The following NDUFA5 variants were observed in gnomAD, a reference collection of about 807,000 sequenced individuals.
NDUFA5 encodes the protein NADH:ubiquinone oxidoreductase subunit A5.
A neutral mutation model predicts 19.8 loss-of-function variants in NDUFA5; 11 were observed. That is an observed-to-expected ratio of 0.56 (90% CI 0.35 to 0.92). The LOEUF (loss-of-function observed/expected upper bound fraction) is 0.92, where lower values mean the gene tolerates loss of function less well. Ranked by LOEUF, NDUFA5 falls within the 40% of genes least tolerant of loss-of-function variation. NDUFA5 has a pLI of 0.01. For missense variants in NDUFA5, 109 were observed against 134.2 expected (o/e 0.81, Z 0.93); for synonymous variants, 47 against 46.8 (o/e 1.00, Z -0.01).
the NDUFA5 span, among the ~76,000 whole-genome samples, chr7:123,592,004 A>C: frequency 1.6e-4 from 25 of 152,220 alleles, no homozygotes; most frequent in African/African-American, 5.8e-4. Flanking sequence ...TCAGAGATTC[A>C]ACTTTTTCCT....
At chr7:123,568,398 T>C in the NDUFA5 span, among the ~76,000 whole-genome samples, 1 of 151,528 alleles carries the variant, frequency 6.6e-6, no homozygotes, top group African/African-American at 2.4e-5. Flanking sequence ...CGCATGCTTG[T>C]AATCCCACCT....
At chr7:123,583,740 T>C in the NDUFA5 span, among the ~76,000 whole-genome samples, 3 of 151,892 alleles carry the variant, frequency 2.0e-5, no homozygotes, top group Admixed American at 2.0e-4. Context: ...ATAAGAACAC[T>C]GTCTCTTTTC....
the NDUFA5 span, among the ~76,000 whole-genome samples, chr7:123,588,879 AT>A: frequency 2.7e-5 from 4 of 148,924 alleles, no homozygotes; most frequent in Admixed American, 2.0e-4. Flanking sequence ...TAATTTTCCC[AT>A]TTTTTTTCTA....
chr7:123,594,910 A>T, the NDUFA5 span, among the ~76,000 whole-genome samples: 1 of 152,212 alleles, frequency 6.6e-6, no homozygotes, highest in Non-Finnish European at 1.5e-5. Flanking sequence ...CAAGAGAGGC[A>T]GTAGGCCTTG....
intron 3 of NDUFA5, among the ~76,000 whole-genome samples, chr7:123,547,904 C>G (rs1205819250): frequency 6.6e-6 from 1 of 152,004 alleles, no homozygotes; most frequent in Admixed American, 6.6e-5. Context: ...CGTGCATTAC[C>G]TCATTCGGTT....
chr7:123,596,560 C>A, the NDUFA5 span: 45,027 of 151,968 alleles, frequency 0.3, 6,815 homozygotes, highest in East Asian at 0.4. Flanking sequence ...TGCTGTGAAC[C>A]AAGATCGTAC....
chr7:123,562,319 C>T (rs1413113299), upstream of NDUFA5, among the ~76,000 whole-genome samples: 2 of 152,130 alleles, frequency 1.3e-5, no homozygotes, highest in Non-Finnish European at 2.9e-5. Flanking sequence ...TCAACAGCTG[C>T]ATAAGCCTGT....
At chr7:123,580,289 G>A in the NDUFA5 span, among the ~76,000 whole-genome samples, 1 of 152,018 alleles carries the variant, frequency 6.6e-6, no homozygotes, top group Non-Finnish European at 1.5e-5. Flanking sequence ...ATGGCAGGCC[G>A]TTCTCTGTTG....
At chr7:123,600,984 T>A in the NDUFA5 span, among the ~76,000 whole-genome samples, 1 of 152,056 alleles carries the variant, frequency 6.6e-6, no homozygotes, top group African/African-American at 2.4e-5. Context: ...TGAAAATGAA[T>A]ATAAAATATG....
chr7:123,579,990 A>T, the NDUFA5 span, among the ~76,000 whole-genome samples: 5 of 152,086 alleles, frequency 3.3e-5, no homozygotes, highest in Non-Finnish European at 5.9e-5. Context: ...ATCCTGATGT[A>T]ACAAAGGTAC....
chr7:123,592,298 C>T, the NDUFA5 span, among the ~76,000 whole-genome samples: 13 of 151,840 alleles, frequency 8.6e-5, no homozygotes, highest in African/African-American at 2.7e-4. Context: ...AGTTCTGCTC[C>T]GATCTTAGTT....
At chr7:123,575,060 C>CTTTT in the NDUFA5 span, among the ~76,000 whole-genome samples, 5 of 133,688 alleles carry the variant, frequency 3.7e-5, no homozygotes, top group African/African-American at 1.4e-4. Context: ...GGTATGTTTC[C>CTTTT]TTTTTTTTTT....
upstream of NDUFA5, chr7:123,557,998 C>A (rs1798629015): frequency 3.8e-6 from 3 of 789,026 alleles, no homozygotes; most frequent in Non-Finnish European, 6.0e-6. Context: ...AAGCCTAAAG[C>A]TAAGCTAGAA....
chr7:123,591,309 T>C, the NDUFA5 span, among the ~76,000 whole-genome samples: 8 of 152,312 alleles, frequency 5.3e-5, no homozygotes, highest in African/African-American at 1.9e-4. Flanking sequence ...CTTGCCTGAT[T>C]GCCCTGGCCA....
the NDUFA5 span, among the ~76,000 whole-genome samples, chr7:123,581,627 GAATTTGCTACT>G: frequency 6.6e-6 from 1 of 151,850 alleles, no homozygotes; most frequent in African/African-American, 2.4e-5. Flanking sequence ...ATTGTGAGGA[GAATTTGCTACT>G]TAAGAAATGA....
intron 2 of NDUFA5, among the ~76,000 whole-genome samples, chr7:123,552,012 A>G (rs1044204665): frequency 6.6e-6 from 1 of 152,196 alleles, no homozygotes; most frequent in East Asian, 1.9e-4. Context: ...TTTATCATCC[A>G]AACTTGGACA....
chr7:123,550,126 A>ATTGT (rs1460009467), intron 3 of NDUFA5: 1 of 179,074 alleles, frequency 5.6e-6, no homozygotes, highest in African/African-American at 2.4e-5. Flanking sequence ...TTTTGCTTTT[A>ATTGT]TTGTTCTCTA....
chr7:123,547,711 G>A (rs1037205443), intron 3 of NDUFA5, among the ~76,000 whole-genome samples: 1 of 152,088 alleles, frequency 6.6e-6, no homozygotes, highest in Non-Finnish European at 1.5e-5. Context: ...GGTAAAGAAG[G>A]CAAGGAAAGT....
chr7:123,591,798 A>ATG, the NDUFA5 span, among the ~76,000 whole-genome samples: 8 of 152,182 alleles, frequency 5.3e-5, no homozygotes, highest in Admixed American at 5.2e-4. Flanking sequence ...TGGTATCAGG[A>ATG]TGATGCTGAC....
Sources: gnomAD v4.1 joint callset for allele counts (sites outside exome capture counted in the v4.1 genomes callset) on GRCh38, gnomAD v4.1.1 for gene constraint, MANE v1.5 for transcripts, NCBI Gene and HGNC (gene_info 2026-07-23, HGNC 2026-07-21) for gene names.